The following GPC5 variants were observed in gnomAD, a reference collection of about 807,000 sequenced individuals.
The protein encoded by GPC5 is glypican-5.
A neutral mutation model predicts 53.9 loss-of-function variants in GPC5; 47 were observed. The observed-to-expected ratio is 0.87, with a 90% CI of 0.69 to 1.11. The LOEUF (loss-of-function observed/expected upper bound fraction) is 1.11. Ranked by LOEUF, GPC5 falls within the 50% of genes most tolerant of loss-of-function variation. GPC5 has a pLI of 0.00. For synonymous variants in GPC5, 286 were observed against 263.3 expected (o/e 1.09, Z -0.84); for missense variants, 748 against 713.1 (o/e 1.05, Z -0.56).
At chr13:92,347,988 A>G (rs1376698116) in intron 7 of GPC5, among the ~76,000 whole-genome samples, 1 of 88,724 alleles carries the variant, frequency 1.1e-5, no homozygotes, top group Non-Finnish European at 2.3e-5. Flanking sequence ...AGGACAAAAA[A>G]TTGGAAAGGT....
chr13:92,739,707 T>TAAAA (rs912978214), intron 7 of GPC5, among the ~76,000 whole-genome samples: 2 of 127,250 alleles, frequency 1.6e-5, no homozygotes. Context: ...ACTCCCATCT[T>TAAAA]AAAAAAAAAA....
intron 7 of GPC5, among the ~76,000 whole-genome samples, chr13:92,859,083 A>G (rs1241726207): frequency 2.0e-5 from 3 of 151,908 alleles, no homozygotes; most frequent in African/African-American, 7.3e-5. Flanking sequence ...TCTACAAAAA[A>G]CTTTTTTTAA....
intron 5 of GPC5, among the ~76,000 whole-genome samples, chr13:91,846,678 C>T (rs34105617): frequency 2.0e-3 from 302 of 152,070 alleles, no homozygotes; most frequent in Non-Finnish European, 3.6e-3. Flanking sequence ...TACTTGGATA[C>T]CTCTGCAAGT....
At chr13:91,510,737 A>C (rs372922511) in intron 2 of GPC5, among the ~76,000 whole-genome samples, 1 of 152,192 alleles carries the variant, frequency 6.6e-6, no homozygotes, top group African/African-American at 2.4e-5. Flanking sequence ...TCCATAATGG[A>C]TATAACTATT....
At chr13:92,753,509 G>A (rs1324745042) in intron 7 of GPC5, among the ~76,000 whole-genome samples, 1 of 152,194 alleles carries the variant, frequency 6.6e-6, no homozygotes, top group Non-Finnish European at 1.5e-5. Context: ...AGAGAAGAAG[G>A]CTTCAGACGA....
intron 6 of GPC5, among the ~76,000 whole-genome samples, chr13:92,060,227 GTAGATA>G (rs1367408374): frequency 1.3e-5 from 2 of 152,002 alleles, no homozygotes; most frequent in East Asian, 3.9e-4. Context: ...TGGAAATTAT[GTAGATA>G]TAAATACATG....
At chr13:91,827,124 T>C (rs149154304) in intron 5 of GPC5, among the ~76,000 whole-genome samples, 2,241 of 152,092 alleles carry the variant, frequency 0.015, 18 homozygotes, top group South Asian at 0.031. Flanking sequence ...TGGTGGAAGA[T>C]ATCCCAATTA....
Position 91,642,052 on chromosome 13 carries a change from G to A in GPC5, c.326-51135G>A, listed in dbSNP as rs1333754776. On this transcript the variant is annotated intron_variant, in intron 2 of 7. Transcript: ENST00000377067. ...TAAATGCCATTCACAAATGTAGGCA[G>A]TTTAACAGGAGGCCCAACTTGTATT... is the stretch of plus-strand genomic sequence containing the variant. Among the ~76,000 whole-genome samples, 4 of 152,160 alleles carry A rather than the reference G, an allele frequency of 2.6e-5. No individual in the cohort carries two copies. The East Asian group carries it at 7.7e-4, about 29-fold the overall frequency.
At position 92,331,596 on chromosome 13, in the gene GPC5, C is replaced by T. The variant is rs79325365; in HGVS notation, c.1561+186607C>T. Among the ~76,000 whole-genome samples the T allele has an allele frequency of 9.1e-3, 1,385 of 152,130 alleles. 8 individuals are homozygous for T. The highest frequency in any genetic ancestry group is 0.015 in the Non-Finnish European group (1,036 of 67,994). ...AACTGGTAAGATTTCAAAATCCCTCCTAGTTGTGCTTCATTACTCCAGGTA... is the reference window on the plus strand; with the variant it reads ...AACTGGTAAGATTTCAAAATCCCTCTTAGTTGTGCTTCATTACTCCAGGTA... On this transcript the variant is annotated intron_variant, in intron 7 of 7. Coordinates refer to ENST00000377067, the MANE Select transcript of GPC5 (RefSeq NM_004466.6).
chr13:91,881,353 T>C (rs2039261937), intron 5 of GPC5, among the ~76,000 whole-genome samples: 1 of 152,080 alleles, frequency 6.6e-6, no homozygotes, highest in Non-Finnish European at 1.5e-5. Context: ...TTCCATATAC[T>C]CTCTTGATAT....
intron 7 of GPC5, among the ~76,000 whole-genome samples, chr13:92,348,184 A>G (rs1467906844): frequency 1.3e-5 from 2 of 151,082 alleles, no homozygotes; most frequent in Non-Finnish European, 3.0e-5. Flanking sequence ...AAGTAACTGA[A>G]AGGATAAAAA....
rs1354493208 is a variant in GPC5 at position 91,492,522 on chromosome 13, G to A, written c.325+43600G>A. ...TGTCTGACAGCCTGTCTCAGCTAAA[G>A]CAGAGAGACTGAGTTCGCCTTTTTT... On this transcript the variant is annotated intron_variant, in intron 2 of 7. Coordinates refer to ENST00000377067, the MANE Select transcript of GPC5 (RefSeq NM_004466.6). Among the ~76,000 whole-genome samples the A allele has an allele frequency of 4.6e-5, 7 of 152,152 alleles. No individual in the cohort carries two copies. In the East Asian group the frequency reaches 1.3e-3, roughly 29 times the overall value.
At position 92,165,343 on chromosome 13, in the gene GPC5, C is replaced by G. The variant is rs544222652; in HGVS notation, c.1561+20354C>G. Among the ~76,000 whole-genome samples the G allele has an allele frequency of 1.8e-4, 28 of 152,228 alleles. 1 individual carries two copies. In the South Asian group the frequency reaches 3.9e-3, roughly 21 times the overall value. On this transcript the variant is annotated intron_variant, in intron 7 of 7. Coordinates refer to ENST00000377067, the MANE Select transcript of GPC5 (RefSeq NM_004466.6). The stretch of plus-strand genomic sequence containing the variant: ...TAAAACTGAATGCTTTTAAGAGTTT[C>G]CGGTACCAATTTATTGTATTAGTTT...
chr13:91,882,670 G>GTTTTTTTTTTTTTTTTTTTTTTTTTTT, intron 5 of GPC5, among the ~76,000 whole-genome samples: 1 of 59,322 alleles, frequency 1.7e-5, no homozygotes, highest in Non-Finnish European at 3.0e-5. Flanking sequence ...TGTTTTTTGG[G>GTTTTTTTTTTTTTTTTTTTTTTTTTTT]TTTTTTTTTT....
intron 6 of GPC5, among the ~76,000 whole-genome samples, chr13:92,035,222 A>AG (rs1050253941): frequency 6.6e-6 from 1 of 151,430 alleles, no homozygotes; most frequent in Non-Finnish European, 1.5e-5. Context: ...CTCAAAAAAA[A>AG]AAAAAAAAAA....
chr13:91,550,841 T>C (rs1404650496), intron 2 of GPC5, among the ~76,000 whole-genome samples: 2 of 152,232 alleles, frequency 1.3e-5, no homozygotes, highest in South Asian at 2.1e-4. Flanking sequence ...GAAGATCTTA[T>C]AGTTTTATAA....
chr13:92,659,102 G>A (rs936154768), intron 7 of GPC5: 2 of 149,690 alleles, frequency 1.3e-5, no homozygotes, highest in African/African-American at 4.9e-5. Context: ...CTAATTTTTT[G>A]TATTTTTAGT....
intron 7 of GPC5, among the ~76,000 whole-genome samples, chr13:92,176,051 GTGTT>G (rs2042107381): frequency 6.6e-6 from 1 of 152,158 alleles, no homozygotes; most frequent in Non-Finnish European, 1.5e-5. Context: ...CCCATTGCTA[GTGTT>G]TGTTTTCCTC....
At chr13:91,579,037 C>A (rs1291397128) in intron 2 of GPC5, among the ~76,000 whole-genome samples, 4 of 152,158 alleles carry the variant, frequency 2.6e-5, no homozygotes, top group Non-Finnish European at 5.9e-5. Context: ...CAAAACGAAA[C>A]CCTGTCTCTA....
Sources: allele counts gnomAD v4.1 joint callset (sites outside exome capture counted in the v4.1 genomes callset), GRCh38; gene constraint gnomAD v4.1.1; transcripts MANE v1.5; gene names NCBI Gene and HGNC (gene_info 2026-07-23, HGNC 2026-07-21).